Variants in RALGAPB observed in about 807,000 individuals in gnomAD.
RALGAPB encodes ral GTPase-activating protein subunit beta.
RALGAPB carries 25 observed loss-of-function variants against 161.1 expected under a neutral mutation model. That is an observed-to-expected ratio of 0.16 (90% CI 0.11 to 0.22). The LOEUF is 0.22. Among genes scored for constraint, RALGAPB ranks in the 10% least tolerant of loss-of-function variants. RALGAPB has a pLI of 1.00. For synonymous variants in RALGAPB, 629 were observed against 626.1 expected, an observed-to-expected ratio of 1.00 and a Z score of -0.07; for missense variants, 1,391 against 1,815.2, an observed-to-expected ratio of 0.77 and a Z score of 4.25.
chr20:38,548,742 G>T lies in RALGAPB; in HGVS notation c.2956G>T (p.Ala986Ser). ...VLVRGMSGRLAWAQQLCLLPR... is the reference protein window; with the variant it reads ...VLVRGMSGRLSWAQQLCLLPR... Reference sequence around the variant, plus strand: ...GGTCCGGGGAATGTCTGGAAGACTTGCTTGGGCACAACAGCTTTGTCTTTT... The same window carrying T: ...GGTCCGGGGAATGTCTGGAAGACTTTCTTGGGCACAACAGCTTTGTCTTTT... The change falls in exon 20 of 30, where the codon GCT (alanine) becomes TCT (serine). Residue 986 changes from alanine to serine, a missense_variant. This residue lies in a region of RALGAPB where 946 missense variants were observed against 1,257.2 expected (regional missense o/e 0.75). Coordinates refer to ENST00000262879, the MANE Select transcript of RALGAPB (RefSeq NM_020336.4). 2 of 1,614,034 alleles carry T rather than the reference G, an allele frequency of 1.2e-6. No individual in the cohort carries two copies. The highest frequency in any genetic ancestry group is 1.1e-5 in the South Asian group (1 of 91,078).
intron 18 of RALGAPB, among the ~76,000 whole-genome samples, chr20:38,545,907 A>C (rs1462589856): frequency 1.3e-5 from 2 of 152,202 alleles, no homozygotes; most frequent in African/African-American, 2.4e-5. Context: ...AAGATATCAG[A>C]TAGGTTGCTG....
At chr20:38,548,580 G>A in intron 19 of RALGAPB, 109 bp from the exon 20 acceptor site, 2 of 850,978 alleles carry the variant, frequency 2.4e-6, no homozygotes, top group South Asian at 1.7e-5. Flanking sequence ...TCAAAGCTTA[G>A]GAAACACTGT....
chr20:38,565,487 A>G lies in RALGAPB; in HGVS notation c.3817+9A>G, dbSNP rs776644507. 8.6e-5 allele frequency: 138 copies of G among 1,612,134 alleles called. No homozygotes were observed. The Middle Eastern group carries it at 9.9e-4, about 12-fold the overall frequency. On this transcript the variant is annotated intron_variant, in intron 25 of 29. Transcript: ENST00000262879. Reference sequence around the variant, plus strand: ...TCCTGTGGAGTCCTTAAGTAAGATGATTTTTGCATGGTCCTGTTTTAGGAT... The same window carrying G: ...TCCTGTGGAGTCCTTAAGTAAGATGGTTTTTGCATGGTCCTGTTTTAGGAT...
At chr20:38,568,673 G>A (rs1316236927) in intron 26 of RALGAPB, 1 of 152,202 alleles carries the variant, frequency 6.6e-6, no homozygotes, top group African/African-American at 2.4e-5. Context: ...GAACTATTGA[G>A]GTGAGTTTAG....
chr20:38,551,010 A>G (rs1601025502), intron 20 of RALGAPB, 61 bp from the exon 21 acceptor site: 2 of 1,543,904 alleles, frequency 1.3e-6, no homozygotes, highest in South Asian at 1.2e-5. Flanking sequence ...AGGGAAATAC[A>G]TGTCATTACA....
At chr20:38,473,679 C>G (rs1207736576) in intron 1 of RALGAPB, among the ~76,000 whole-genome samples, 1 of 152,118 alleles carries the variant, frequency 6.6e-6, no homozygotes, top group African/African-American at 2.4e-5. Flanking sequence ...TAATTTGAAC[C>G]GGAGCATCCG....
intron 1 of RALGAPB, among the ~76,000 whole-genome samples, chr20:38,483,168 C>T (rs1272561139): frequency 1.3e-5 from 2 of 152,190 alleles, no homozygotes; most frequent in South Asian, 2.1e-4. Flanking sequence ...GGATTATAGG[C>T]GTGAGCCACC....
At chr20:38,546,567 C>T (rs2087171392) in intron 19 of RALGAPB, 137 bp downstream of exon 19, 1 of 1,219,092 alleles carries the variant, frequency 8.2e-7, no homozygotes, top group South Asian at 1.5e-5. Flanking sequence ...GGGACAATAG[C>T]ACCTGAAAAA....
At chr20:38,565,320 T>C in intron 24 of RALGAPB, 39 bp from the exon 25 acceptor site, 1 of 1,601,598 alleles carries the variant, frequency 6.2e-7, no homozygotes, top group Non-Finnish European at 8.5e-7. Flanking sequence ...TTTTTCCTAC[T>C]TTTTGAAGCG....
intron 5 of RALGAPB, among the ~76,000 whole-genome samples, chr20:38,502,598 TTTTG>T (rs1350184377): frequency 2.6e-5 from 4 of 152,184 alleles, no homozygotes; most frequent in Non-Finnish European, 4.4e-5. Flanking sequence ...TATGATTTTT[TTTTG>T]TTTGAGACAG....
intron 22 of RALGAPB, among the ~76,000 whole-genome samples, chr20:38,555,024 C>T (rs1425396854): frequency 6.6e-6 from 1 of 152,142 alleles, no homozygotes; most frequent in East Asian, 1.9e-4. Flanking sequence ...TTCGAGGTTA[C>T]AGTGAGTTAT....
chr20:38,548,900 G>C, intron 20 of RALGAPB, 105 bp downstream of exon 20: 1 of 963,946 alleles, frequency 1.0e-6, no homozygotes, highest in South Asian at 1.5e-5. Flanking sequence ...TTGATCCCTA[G>C]CCAGATTCTC....
rs558205947 is a variant in RALGAPB at position 38,506,034 on chromosome 20, G to A, written c.741-3043G>A. ...AAAAAATTTCACAAAATTCCAAAGA[G>A]TAAAAATTGAATTTGCCTTCTACTG... On this transcript the variant is annotated intron_variant, in intron 5 of 29. Coordinates refer to ENST00000262879, the MANE Select transcript of RALGAPB (RefSeq NM_020336.4). 3.4e-5 allele frequency among the ~76,000 whole-genome samples: 4 copies of A among 118,668 alleles called. No homozygotes were observed. In the South Asian group the frequency reaches 1.2e-3, roughly 35 times the overall value. The allele number at this position is 118,668 out of a possible 152,430, so 77.9% of individuals were successfully genotyped here.
In RALGAPB at chr20:38,526,029, C is replaced by T; in HGVS notation, c.2037C>T (p.Thr679=). The change falls in exon 13 of 30, where the codon ACC becomes ACT. Residue 679 remains threonine, a synonymous_variant. Coordinates refer to ENST00000262879, the MANE Select transcript of RALGAPB (RefSeq NM_020336.4). ...ALQTETDPNN[T]QMILGAMLNI... is the part of the protein sequence containing the mutation. ...AAACTGAAACGGACCCCAACAACAC[C>T]CAAATGATATTAGGTTTGTATTCAC... 6.2e-7 allele frequency: 1 copy of T among 1,613,790 alleles called. No homozygotes were observed. Among genetic ancestry groups the T allele is most frequent in the Non-Finnish European group, 8.5e-7 (1 of 1,179,876 alleles).
chr20:38,494,301 G>C (rs759933486), intron 3 of RALGAPB, among the ~76,000 whole-genome samples: 1 of 152,162 alleles, frequency 6.6e-6, no homozygotes, highest in East Asian at 1.9e-4. Flanking sequence ...AATTAAATGC[G>C]TGTTGTTTGT....
Position 38,538,634 on chromosome 20 carries a change from A to G in RALGAPB, c.2380-1142A>G, listed in dbSNP as rs1049940222. Among the ~76,000 whole-genome samples the G allele has an allele frequency of 5.9e-5, 9 of 152,258 alleles. No individual in the cohort carries two copies. The East Asian group carries it at 1.7e-3, about 29-fold the overall frequency. On this transcript the variant is annotated intron_variant, in intron 16 of 29. Transcript: ENST00000262879. ...TTGAATAGATGTTTTATCAGAGATG[A>G]TATACAGATGACAAATAAGCACATG... is the stretch of plus-strand genomic sequence containing the variant.
intron 5 of RALGAPB, chr20:38,500,109 C>CTTATA (rs2085534909): frequency 6.6e-6 from 1 of 151,958 alleles, no homozygotes. Context: ...ATATTTAATA[C>CTTATA]CATCGCTGTT....
Position 38,546,284 on chromosome 20 carries a change from C to T in RALGAPB, c.2756C>T (p.Pro919Leu). The T allele has an allele frequency of 6.2e-7, 1 of 1,614,118 alleles. No homozygotes were observed. Among genetic ancestry groups the T allele is most frequent in the Non-Finnish European group, 8.5e-7 (1 of 1,179,990 alleles). The change falls in exon 19 of 30, where the codon CCT (proline) becomes CTT (leucine). Residue 919 changes from proline (P) to leucine (L), a missense_variant. Physicochemically the swap from Pro to Leu is moderately conservative, Grantham distance 98 (BLOSUM62 -3). Around this residue, in one of 3 missense-constraint regions of RALGAPB, gnomAD observed 946 missense variants for 1,257.2 expected, o/e 0.75. Coordinates refer to ENST00000262879, the MANE Select transcript of RALGAPB (RefSeq NM_020336.4). Reference protein sequence around the residue: ...LLGAFPSPSGPASPCSLVNET... With the variant: ...LLGAFPSPSGLASPCSLVNET... Reference sequence around the variant, plus strand: ...GGCGCATTTCCTTCACCTAGTGGTCCTGCCTCTCCTTGTAGTCTTGTGAAT... The same window carrying T: ...GGCGCATTTCCTTCACCTAGTGGTCTTGCCTCTCCTTGTAGTCTTGTGAAT...
intron 22 of RALGAPB, among the ~76,000 whole-genome samples, chr20:38,557,178 A>G (rs2087613791): frequency 6.6e-6 from 1 of 152,194 alleles, no homozygotes; most frequent in Admixed American, 6.5e-5. Flanking sequence ...AAACAAAACA[A>G]AAATGCATTT....
Sources: gnomAD v4.1 joint callset for allele counts (sites outside exome capture counted in the v4.1 genomes callset) on GRCh38, gnomAD v4.1.1 for gene constraint, gnomAD v4.1.1 regional missense constraint, MANE v1.5 for transcripts, NCBI Gene and HGNC (gene_info 2026-07-23, HGNC 2026-07-21) for gene names.